HDAC1: variants seen among roughly 807,000 people sequenced by gnomAD.
HDAC1 encodes the protein histone deacetylase 1, also known as protein deacetylase HDAC1.
A neutral mutation model predicts 65.5 loss-of-function variants in HDAC1; 18 were observed. The ratio of observed to expected loss-of-function variants is 0.27; its 90% CI spans 0.19 to 0.41. The LOEUF (loss-of-function observed/expected upper bound fraction) is 0.41, where lower values mean the gene tolerates loss of function less well. HDAC1 is among the 10% of genes least tolerant of loss of function. The pLI, the probability that HDAC1 is intolerant of heterozygous loss-of-function variation, is 1.00. For synonymous variants in HDAC1, 211 were observed against 227.9 expected, an observed-to-expected ratio of 0.93 and a Z score of 0.67; for missense variants, 373 against 625.2, an observed-to-expected ratio of 0.60 and a Z score of 4.30.
At chr1:32,316,527 T>G in intron 2 of HDAC1, 138 bp from the exon 3 acceptor site, 1 of 651,018 alleles carries the variant, frequency 1.5e-6, no homozygotes, top group Non-Finnish European at 2.8e-6. Flanking sequence ...TCTTGAAGCC[T>G]GAATCTAACC....
chr1:32,313,698 T>C (rs1641021023), intron 2 of HDAC1, among the ~76,000 whole-genome samples: 5 of 152,246 alleles, frequency 3.3e-5, no homozygotes, highest in Admixed American at 3.3e-4. Flanking sequence ...ATTCCTGGCA[T>C]GGCCACTATC....
In HDAC1 at chr1:32,332,708, CGAA is replaced by C. The variant is rs1557614220; in HGVS notation, c.1383_1385del (p.Glu463del). On this transcript the variant is annotated inframe_deletion, in exon 13 of 14. Coordinates refer to ENST00000373548, the MANE Select transcript of HDAC1 (RefSeq NM_004964.3). ...TGTACTCTTGTGTTCTAGAAGTCAC[CGAA>C]GAGGAGAAAACCAAGGAGGAGAAGC... is the stretch of plus-strand genomic sequence containing the variant. 6.4e-7 allele frequency: 1 copy of C among 1,554,808 alleles called. No homozygotes were observed. Among genetic ancestry groups the C allele is most frequent in the Non-Finnish European group, 8.7e-7 (1 of 1,148,516 alleles).
chr1:32,304,006 T>C (rs1640881348), intron 2 of HDAC1, among the ~76,000 whole-genome samples: 1 of 152,022 alleles, frequency 6.6e-6, no homozygotes. Flanking sequence ...GAGGAACAAG[T>C]GAAGGGTTTT....
rs536986245 is a variant in HDAC1, at chr1:32,330,363, T to A, written c.730-215T>A. 6 of 532,044 alleles carry A rather than the reference T, an allele frequency of 1.1e-5. No individual in the cohort carries two copies. Among genetic ancestry groups the A allele is most frequent in the East Asian group, 9.9e-5 (3 of 30,422 alleles). 33.0% of individuals were successfully genotyped at this position (532,044 alleles called of 1,614,324 possible). On this transcript the variant is annotated intron_variant, in intron 7 of 13. Transcript: ENST00000373548. This position sits in a 1 kb window ranked among gnomAD's most constrained non-coding sequence, Gnocchi z 4.2. Reference sequence around the variant, plus strand: ...CATTCTAGGTTCAGTGTTACTAGAGTGTTAGAAGGGTCTTAGAGAACTTTT... The same window carrying A: ...CATTCTAGGTTCAGTGTTACTAGAGAGTTAGAAGGGTCTTAGAGAACTTTT...
intron 3 of HDAC1, among the ~76,000 whole-genome samples, chr1:32,320,753 A>G (rs1641128443): frequency 6.6e-6 from 1 of 151,596 alleles, no homozygotes; most frequent in African/African-American, 2.4e-5. Flanking sequence ...TACAAAAATT[A>G]GCCATGTGTG....
At chr1:32,315,194 A>C (rs1281192703) in intron 2 of HDAC1, among the ~76,000 whole-genome samples, 3 of 152,184 alleles carry the variant, frequency 2.0e-5, no homozygotes, top group Admixed American at 6.5e-5. Context: ...TAGCTTGTCA[A>C]GGAAGTGTTA....
At chr1:32,326,904 A>G in intron 4 of HDAC1, 35 bp from the exon 5 acceptor site, 1 of 1,610,498 alleles carries the variant, frequency 6.2e-7, no homozygotes, top group Non-Finnish European at 8.5e-7. Context: ...AGAGTGGCTT[A>G]GTAACAGGCT....
chr1:32,315,288 T>C (rs1641044940), intron 2 of HDAC1, among the ~76,000 whole-genome samples: 1 of 152,158 alleles, frequency 6.6e-6, no homozygotes, highest in Non-Finnish European at 1.5e-5. Flanking sequence ...GATACCCTTT[T>C]TTCGTGAACT....
In HDAC1 at chr1:32,327,506, C is replaced by T. The variant is rs1641234760; in HGVS notation, c.495-30C>T. ...TGGCACGTCCCATCCCCAAAGAGCC[C>T]CCAGACCCCTGACCCCCTTCTGATC... On this transcript the variant is annotated intron_variant, in intron 5 of 13. Transcript: ENST00000373548. This position sits in a 1 kb window ranked among gnomAD's most constrained non-coding sequence, Gnocchi z 6.0. 3 of 1,597,456 alleles carry T rather than the reference C, an allele frequency of 1.9e-6. No individual in the cohort carries two copies. The highest frequency in any genetic ancestry group is 2.6e-6 in the Non-Finnish European group (3 of 1,166,802).
At chr1:32,308,445 A>C (rs1640941504) in intron 2 of HDAC1, among the ~76,000 whole-genome samples, 1 of 152,256 alleles carries the variant, frequency 6.6e-6, no homozygotes, top group South Asian at 2.1e-4. Flanking sequence ...AAATAGGACC[A>C]ATTAGGAGGC....
In HDAC1 at chr1:32,327,596, G is replaced by A; in HGVS notation, c.555G>A (p.Glu185=). 4 of 1,611,022 alleles carry A rather than the reference G, an allele frequency of 2.5e-6. No individual in the cohort carries two copies. The highest frequency in any genetic ancestry group is 3.4e-6 in the Non-Finnish European group (4 of 1,177,262). ...TTCACCATGGTGACGGCGTGGAAGAGGCCTTCTACACCACGGACCGGGTCA... is the reference window on the plus strand; with the variant it reads ...TTCACCATGGTGACGGCGTGGAAGAAGCCTTCTACACCACGGACCGGGTCA... The part of the protein sequence containing the change: ...IDIHHGDGVE[E]AFYTTDRVMT... Residue 185 remains glutamate (E), a synonymous_variant, in exon 6 of 14, where the codon GAG becomes GAA. Coordinates refer to ENST00000373548, the MANE Select transcript of HDAC1 (RefSeq NM_004964.3). This position sits in a 1 kb window ranked among gnomAD's most constrained non-coding sequence, Gnocchi z 6.0.
intron 1 of HDAC1, among the ~76,000 whole-genome samples, chr1:32,299,146 T>C (rs962741879): frequency 3.3e-5 from 5 of 152,172 alleles, no homozygotes; most frequent in South Asian, 4.1e-4. Flanking sequence ...CCCAAGAAGT[T>C]ATATAGAAGA....
At chr1:32,326,812 G>C in intron 4 of HDAC1, 127 bp from the exon 5 acceptor site, 1 of 916,256 alleles carries the variant, frequency 1.1e-6, no homozygotes, top group Non-Finnish European at 1.7e-6. Context: ...GAGGGGACTG[G>C]TCTATGAATT....
At chr1:32,332,270 G>T in intron 12 of HDAC1, 28 bp downstream of exon 12, 1 of 1,596,722 alleles carries the variant, frequency 6.3e-7, no homozygotes, top group South Asian at 1.1e-5. Context: ...TGGGACTTGG[G>T]TCTCGAGCCT....
intron 13 of HDAC1, 43 bp downstream of exon 13, chr1:32,332,792 C>T: frequency 6.7e-7 from 1 of 1,502,098 alleles, no homozygotes; most frequent in Non-Finnish European, 9.1e-7. Flanking sequence ...GGCATTGGAG[C>T]ACCAGCCCCT....
Position 32,332,712 on chromosome 1 carries a change from G to C in HDAC1, c.1384G>C (p.Glu462Gln). ...CTCTTGTGTTCTAGAAGTCACCGAAGAGGAGAAAACCAAGGAGGAGAAGCC... is the reference window on the plus strand; with the variant it reads ...CTCTTGTGTTCTAGAAGTCACCGAACAGGAGAAAACCAAGGAGGAGAAGCC... ...DPEEKKEVTE[E>Q]EKTKEEKPEA... The change falls in exon 13 of 14, where the codon GAG (glutamate) becomes CAG (glutamine). Residue 462 changes from glutamate to glutamine, a missense_variant. Physicochemically the swap from Glu to Gln is conservative, Grantham distance 29. Coordinates refer to ENST00000373548, the MANE Select transcript of HDAC1 (RefSeq NM_004964.3). The C allele has an allele frequency of 1.9e-6, 3 of 1,555,096 alleles. No homozygotes were observed. The highest frequency in any genetic ancestry group is 3.3e-4 in the Middle Eastern group (2 of 5,992).
At chr1:32,299,187 C>G in intron 1 of HDAC1, among the ~76,000 whole-genome samples, 1 of 152,068 alleles carries the variant, frequency 6.6e-6, no homozygotes. Flanking sequence ...AGGAAGTGGA[C>G]AGTGTCCCTC....
In HDAC1 at chr1:32,316,897, C is replaced by T. The variant is rs1641072761; in HGVS notation, c.280+115C>T. The T allele has an allele frequency of 3.3e-5, 24 of 718,790 alleles. No individual in the cohort carries two copies. The South Asian group carries it at 3.7e-4, about 11-fold the overall frequency. The allele number at this position is 718,790 out of a possible 1,614,324, so 44.5% of individuals were successfully genotyped here. ...CCATTCAGTGGACACCTGATTTCCCCTACCTCCTAAAGGTGCCAGAGTGCT... is the reference window on the plus strand; with the variant it reads ...CCATTCAGTGGACACCTGATTTCCCTTACCTCCTAAAGGTGCCAGAGTGCT... On this transcript the variant is annotated intron_variant, in intron 3 of 13. Transcript: ENST00000373548.
Position 32,327,729 on chromosome 1 carries a change from C to G in HDAC1, c.636+52C>G. Reference sequence around the variant, plus strand: ...GGCTTACCCTCAGCTGGCAGCTCTACTTCTCTCTCCTATCTCATGCCACTA... The same window carrying G: ...GGCTTACCCTCAGCTGGCAGCTCTAGTTCTCTCTCCTATCTCATGCCACTA... On this transcript the variant is annotated intron_variant, in intron 6 of 13. Transcript: ENST00000373548. This position sits in a 1 kb window ranked among gnomAD's most constrained non-coding sequence, Gnocchi z 6.0. 1 of 1,555,156 alleles carries G rather than the reference C, an allele frequency of 6.4e-7. No homozygotes were observed. Among genetic ancestry groups the G allele is most frequent in the Non-Finnish European group, 8.9e-7 (1 of 1,126,988 alleles).
Sources: allele counts gnomAD v4.1 joint callset (sites outside exome capture counted in the v4.1 genomes callset), GRCh38; gene constraint gnomAD v4.1.1; non-coding constraint Gnocchi (gnomAD v3.1); transcripts MANE v1.5; gene names NCBI Gene and HGNC (gene_info 2026-07-23, HGNC 2026-07-21).